ZNF804A: variants seen among roughly 807,000 people sequenced by gnomAD.
The protein encoded by ZNF804A is zinc finger protein 804A.
ZNF804A carries 2 observed loss-of-function variants against 16.5 expected under a neutral mutation model. The observed-to-expected ratio is 0.12, with a 90% CI of 0.05 to 0.38. The LOEUF is 0.38. Ranked by LOEUF, ZNF804A falls within the 10% of genes least tolerant of loss-of-function variation. The pLI is 0.99. For missense variants in ZNF804A, 1,473 were observed against 1,390.7 expected, an observed-to-expected ratio of 1.06 and a Z score of -0.94; for synonymous variants, 534 against 489.6, an observed-to-expected ratio of 1.09 and a Z score of -1.20.
chr2:184,857,053 G>A (rs1452773156), intron 1 of ZNF804A, among the ~76,000 whole-genome samples: 3 of 152,022 alleles, frequency 2.0e-5, no homozygotes, highest in Non-Finnish European at 4.4e-5. Flanking sequence ...TCTGGGAAGT[G>A]TAATATTATG....
chr2:184,750,641 A>T (rs1211823257), intron 1 of ZNF804A, among the ~76,000 whole-genome samples: 1 of 151,398 alleles, frequency 6.6e-6, no homozygotes, highest in African/African-American at 2.4e-5. Flanking sequence ...AATCTCCAAA[A>T]GTTTTCTCCC....
intron 1 of ZNF804A, among the ~76,000 whole-genome samples, chr2:184,620,138 T>C (rs993092434): frequency 6.6e-6 from 1 of 151,792 alleles, no homozygotes; most frequent in African/African-American, 2.4e-5. Flanking sequence ...TATGGAAATA[T>C]TTGAAAAACA....
chr2:184,899,880 G>T (rs1685150468), intron 2 of ZNF804A, among the ~76,000 whole-genome samples: 1 of 151,764 alleles, frequency 6.6e-6, no homozygotes, highest in Admixed American at 6.6e-5. Flanking sequence ...TGTTGCAAAA[G>T]TAAAGTTTTT....
chr2:184,820,137 T>C (rs1325634329), intron 1 of ZNF804A, among the ~76,000 whole-genome samples: 1 of 152,012 alleles, frequency 6.6e-6, no homozygotes, highest in African/African-American at 2.4e-5. Context: ...TAGGTCAATA[T>C]CCCTGATGAA....
chr2:184,701,312 A>G (rs2105731264), intron 1 of ZNF804A, among the ~76,000 whole-genome samples: 1 of 152,120 alleles, frequency 6.6e-6, no homozygotes, highest in Admixed American at 6.5e-5. Flanking sequence ...TTTGGGAAAT[A>G]ACTAGAAAGA....
intron 1 of ZNF804A, among the ~76,000 whole-genome samples, chr2:184,659,319 G>T (rs1457951587): frequency 3.3e-5 from 5 of 152,164 alleles, no homozygotes; most frequent in Admixed American, 2.0e-4. Context: ...CTATTCATTT[G>T]TATGTTTAAT....
chr2:184,860,853 G>A (rs1695789077), intron 1 of ZNF804A, among the ~76,000 whole-genome samples: 1 of 152,216 alleles, frequency 6.6e-6, no homozygotes, highest in Non-Finnish European at 1.5e-5. Context: ...CTGGGGCAAT[G>A]GCCAAGCTCA....
chr2:184,709,811 T>C (rs1429494781), intron 1 of ZNF804A, among the ~76,000 whole-genome samples: 1 of 148,974 alleles, frequency 6.7e-6, no homozygotes, highest in Non-Finnish European at 1.5e-5. Flanking sequence ...ATATAAAATA[T>C]TGTGTATTTT....
rs186394202 is a variant in ZNF804A at position 184,803,870 on chromosome 2, G to T, written c.112-62499G>T. Among the ~76,000 whole-genome samples, 264 of 151,362 alleles carry T rather than the reference G, an allele frequency of 1.7e-3. 5 individuals are homozygous for T. Among genetic ancestry groups the T allele is most frequent in the Admixed American group, 0.016 (241 of 15,212 alleles). On this transcript the variant is annotated intron_variant, in intron 1 of 3. Coordinates refer to ENST00000302277, the MANE Select transcript of ZNF804A (RefSeq NM_194250.2). ...TCTTCTTTTCTGTCTTTTTTTTTGG[G>T]GGGGAGGGGGGTGATGGAGTCTCAC...
chr2:184,644,676 ACT>A (rs1386134534), intron 1 of ZNF804A, among the ~76,000 whole-genome samples: 3 of 151,968 alleles, frequency 2.0e-5, no homozygotes, highest in African/African-American at 4.8e-5. Flanking sequence ...AAGATAAGAC[ACT>A]CTTTCAAATT....
At position 184,730,544 on chromosome 2, in the gene ZNF804A, C is replaced by A. The variant is rs537369404; in HGVS notation, c.111+131474C>A. Among the ~76,000 whole-genome samples the A allele has an allele frequency of 2.6e-5, 4 of 152,268 alleles. No individual in the cohort carries two copies. In the East Asian group the frequency reaches 5.8e-4, roughly 22 times the overall value. ...TGTGCTGTATTCAACCTTCCCTTTC[C>A]CCCACACCTGGCAACTACTGATCTT... On this transcript the variant is annotated intron_variant, in intron 1 of 3. Transcript: ENST00000302277.
intron 1 of ZNF804A, among the ~76,000 whole-genome samples, chr2:184,766,643 A>AG (rs1694133143): frequency 1.3e-5 from 2 of 151,988 alleles, no homozygotes; most frequent in African/African-American, 4.8e-5. Context: ...AAAAAAAAAA[A>AG]AGAGAATTAC....
At chr2:184,753,395 A>G (rs1221479424) in intron 1 of ZNF804A, among the ~76,000 whole-genome samples, 1 of 151,638 alleles carries the variant, frequency 6.6e-6, no homozygotes, top group Non-Finnish European at 1.5e-5. Context: ...CATATCACAA[A>G]TACACATACC....
chr2:184,895,473 AAC>A (rs915913356), intron 2 of ZNF804A, among the ~76,000 whole-genome samples: 5 of 152,030 alleles, frequency 3.3e-5, no homozygotes, highest in African/African-American at 1.2e-4. Flanking sequence ...AAGCAGAGAG[AAC>A]ACACACACAC....
chr2:184,712,683 T>C (rs946171681), intron 1 of ZNF804A, among the ~76,000 whole-genome samples: 4 of 151,784 alleles, frequency 2.6e-5, no homozygotes, highest in African/African-American at 9.7e-5. Flanking sequence ...ATGGTGCCCG[T>C]AATTCTCTTA....
chr2:184,773,727 A>G (rs1020672675), intron 1 of ZNF804A, among the ~76,000 whole-genome samples: 1 of 151,912 alleles, frequency 6.6e-6, no homozygotes, highest in Non-Finnish European at 1.5e-5. Flanking sequence ...GGATGCACCA[A>G]AATCTCAGAA....
At chr2:184,783,413 T>G (rs1694403078) in intron 1 of ZNF804A, among the ~76,000 whole-genome samples, 1 of 151,988 alleles carries the variant, frequency 6.6e-6, no homozygotes, top group East Asian at 1.9e-4. Flanking sequence ...AAAATGCTTT[T>G]GGAAGAGCAA....
intron 2 of ZNF804A, among the ~76,000 whole-genome samples, chr2:184,924,284 A>G (rs1685575314): frequency 6.6e-6 from 1 of 151,800 alleles, no homozygotes; most frequent in East Asian, 1.9e-4. Flanking sequence ...GGAGTTCTTC[A>G]TGGTTCAGTA....
chr2:184,811,726 A>C (rs1558968762), intron 1 of ZNF804A, among the ~76,000 whole-genome samples: 1 of 152,170 alleles, frequency 6.6e-6, no homozygotes, highest in Non-Finnish European at 1.5e-5. Flanking sequence ...ACTATCTCCA[A>C]AAAAGTAATA....
Sources: allele counts gnomAD v4.1 joint callset (sites outside exome capture counted in the v4.1 genomes callset), GRCh38; gene constraint gnomAD v4.1.1; transcripts MANE v1.5; gene names NCBI Gene and HGNC (gene_info 2026-07-23, HGNC 2026-07-21).